The following PARD3B variants were observed in gnomAD, a reference collection of about 807,000 sequenced individuals.
PARD3B encodes par-3 family cell polarity regulator beta, also known as partitioning defective 3 homolog B.
Under a neutral mutation model 130.2 loss-of-function variants are expected in PARD3B, and 103 were observed. The ratio of observed to expected loss-of-function variants is 0.79; its 90% CI spans 0.67 to 0.93. PARD3B has a LOEUF of 0.93. Ranked by LOEUF, PARD3B falls within the 40% of genes least tolerant of loss-of-function variation. The probability of loss-of-function intolerance (pLI) is 0.00; values close to 1 mark genes in which losing one functional copy is unlikely to be tolerated. For synonymous variants in PARD3B, 583 were observed against 553.2 expected (o/e 1.05, Z -0.76); for missense variants, 1,609 against 1,499.2 (o/e 1.07, Z -1.21).
Position 204,623,235 on chromosome 2 carries a change from T to C in PARD3B, c.121-62946T>C, listed in dbSNP as rs1171280210. Among the ~76,000 whole-genome samples the C allele has an allele frequency of 6.6e-6, 1 of 152,152 alleles. No individual in the cohort carries two copies. Among genetic ancestry groups the C allele is most frequent in the Non-Finnish European group, 1.5e-5 (1 of 68,014 alleles). On this transcript the variant is annotated intron_variant, in intron 1 of 22. Transcript: ENST00000406610. This position sits in a 1 kb window ranked among gnomAD's most constrained non-coding sequence, Gnocchi z 4.5. ...TATTCACCCAGTTTCTTTCACTGGT[T>C]GAGTGTTAAATAGCTATAGGACAAT...
chr2:204,685,989 C>T (rs368025579), intron 1 of PARD3B, among the ~76,000 whole-genome samples, 192 bp from the exon 2 acceptor site: 11 of 152,138 alleles, frequency 7.2e-5, no homozygotes, highest in Admixed American at 2.6e-4. Flanking sequence ...CTTGATTCTC[C>T]GATTTAAGTT....
At position 205,246,239 on chromosome 2, in the gene PARD3B, C is replaced by T. The variant is rs201798555; in HGVS notation, c.2185+417C>T. Among the ~76,000 whole-genome samples, 507 of 143,628 alleles carry T rather than the reference C, an allele frequency of 3.5e-3. 3 individuals are homozygous for T. The highest frequency in any genetic ancestry group is 0.012 in the African/African-American group (484 of 39,242). The allele number at this position is 143,628 out of a possible 152,430, so 94.2% of individuals were successfully genotyped here. On this transcript the variant is annotated intron_variant, in intron 16 of 22. Transcript: ENST00000406610. ...CTCAAAAAAGAATAGGATTTTTTTT[C>T]TTTTTTTTTTTTCTGCCTGTCATCA...
intron 2 of PARD3B, among the ~76,000 whole-genome samples, chr2:204,782,879 C>A (rs2041887514): frequency 6.6e-6 from 1 of 152,014 alleles, no homozygotes; most frequent in South Asian, 2.1e-4. Context: ...TGGAGCCACA[C>A]AAAATGCTGT....
At position 205,530,228 on chromosome 2, in the gene PARD3B, T is replaced by C. The variant is rs555289180; in HGVS notation, c.3181-23096T>C. Among the ~76,000 whole-genome samples the C allele has an allele frequency of 6.6e-6, 1 of 152,274 alleles. No individual in the cohort carries two copies. ...GCCACATTTATGTTTCTAGTGAAGT[T>C]TGGAGAAAACGTATTATCCTAATAT... On this transcript the variant is annotated intron_variant, in intron 21 of 22. Transcript: ENST00000406610. The surrounding 1 kb of genome is among the most constrained non-coding windows in gnomAD (Gnocchi z 4.7).
intron 10 of PARD3B, among the ~76,000 whole-genome samples, chr2:205,155,500 C>A (rs887131908): frequency 6.6e-6 from 1 of 151,746 alleles, no homozygotes; most frequent in South Asian, 2.1e-4. Context: ...TTAGAATAAA[C>A]CACAGAGTAA....
chr2:204,873,137 A>G (rs2125651491), intron 2 of PARD3B, among the ~76,000 whole-genome samples: 1 of 152,332 alleles, frequency 6.6e-6, no homozygotes, highest in East Asian at 1.9e-4. Flanking sequence ...CATGTGAAAG[A>G]CCTGAGCAGT....
intron 2 of PARD3B, among the ~76,000 whole-genome samples, chr2:204,915,970 A>G (rs1310532066): frequency 1.3e-5 from 2 of 152,180 alleles, no homozygotes; most frequent in Non-Finnish European, 2.9e-5. Flanking sequence ...AGTGTCCTTG[A>G]TAAGTCTGTA....
chr2:205,039,779 G>A (rs1317544857), intron 3 of PARD3B, among the ~76,000 whole-genome samples: 2 of 152,126 alleles, frequency 1.3e-5, no homozygotes, highest in Non-Finnish European at 2.9e-5. Context: ...CTGCTGACCA[G>A]TTTAGATGAA....
intron 20 of PARD3B, among the ~76,000 whole-genome samples, chr2:205,498,358 C>A (rs1194425378): frequency 2.6e-5 from 4 of 151,570 alleles, no homozygotes; most frequent in Non-Finnish European, 4.4e-5. Flanking sequence ...AAAAATTAGC[C>A]AGGTGTGGTG....
chr2:205,400,269 A>G (rs1036638003), intron 18 of PARD3B, among the ~76,000 whole-genome samples: 14 of 152,174 alleles, frequency 9.2e-5, no homozygotes, highest in Admixed American at 6.5e-4. Context: ...ATGTATGCTT[A>G]GGCTGCCCCT....
At chr2:204,697,211 G>A (rs976178521) in intron 2 of PARD3B, among the ~76,000 whole-genome samples, 4 of 152,066 alleles carry the variant, frequency 2.6e-5, no homozygotes, top group East Asian at 1.9e-4. Context: ...GTAAAATGAC[G>A]TGTTCTAAAT....
intron 20 of PARD3B, among the ~76,000 whole-genome samples, chr2:205,491,341 C>T (rs1467207877): frequency 1.3e-5 from 2 of 152,114 alleles, no homozygotes; most frequent in Admixed American, 6.6e-5. Flanking sequence ...GCCAGTTTTC[C>T]CAGCACCATT....
intron 3 of PARD3B, among the ~76,000 whole-genome samples, chr2:205,036,757 CGG>C (rs1697947073): frequency 2.0e-5 from 3 of 147,532 alleles, no homozygotes; most frequent in Admixed American, 6.8e-5. Context: ...ATATACACAG[CGG>C]ACTGTATGTA....
At chr2:204,652,421 A>G (rs540311380) in intron 1 of PARD3B, among the ~76,000 whole-genome samples, 2 of 152,226 alleles carry the variant, frequency 1.3e-5, no homozygotes, top group South Asian at 2.1e-4. Context: ...AACATCACCA[A>G]TCTCTTCACT....
At chr2:205,138,741 T>G (rs2032700783) in intron 10 of PARD3B, among the ~76,000 whole-genome samples, 1 of 152,240 alleles carries the variant, frequency 6.6e-6, no homozygotes, top group South Asian at 2.1e-4. Flanking sequence ...ATGGGCTGCA[T>G]GAATTCTCTT....
intron 1 of PARD3B, among the ~76,000 whole-genome samples, chr2:204,651,198 A>T (rs2035465024): frequency 6.6e-6 from 1 of 152,306 alleles, no homozygotes; most frequent in South Asian, 2.1e-4. Context: ...TTAACCCAAA[A>T]GCCCAAGTCC....
At chr2:205,602,046 T>A (rs2054808308) in intron 22 of PARD3B, among the ~76,000 whole-genome samples, 1 of 152,188 alleles carries the variant, frequency 6.6e-6, no homozygotes, top group Admixed American at 6.5e-5. Context: ...TTGAGGTATG[T>A]TCCATTAATA....
At chr2:204,776,503 AT>A (rs1275792737) in intron 2 of PARD3B, among the ~76,000 whole-genome samples, 2 of 151,998 alleles carry the variant, frequency 1.3e-5, no homozygotes, top group Admixed American at 6.6e-5. Flanking sequence ...CAGATGTGAT[AT>A]TTTATTATAT....
chr2:204,707,430 AT>A (rs1188659390), intron 2 of PARD3B, among the ~76,000 whole-genome samples: 5 of 151,970 alleles, frequency 3.3e-5, no homozygotes, highest in Non-Finnish European at 1.5e-5. Flanking sequence ...TTTTATATGG[AT>A]TTTTTTCTAC....
Sources: allele counts gnomAD v4.1 joint callset (sites outside exome capture counted in the v4.1 genomes callset), GRCh38; gene constraint gnomAD v4.1.1; non-coding constraint Gnocchi (gnomAD v3.1); transcripts MANE v1.5; gene names NCBI Gene and HGNC (gene_info 2026-07-23, HGNC 2026-07-21).